MBD5: variants seen among roughly 807,000 people sequenced by gnomAD.
MBD5 encodes the protein methyl-CpG binding domain protein 5.
In MBD5, 13 loss-of-function variants were observed where a neutral mutation model predicts 117.3. The ratio of observed to expected loss-of-function variants is 0.11; its 90% CI spans 0.07 to 0.18. The LOEUF is 0.18. Among genes scored for constraint, MBD5 ranks in the 10% least tolerant of loss-of-function variants. The probability of loss-of-function intolerance (pLI) is 1.00; values close to 1 mark genes in which losing one functional copy is unlikely to be tolerated. For synonymous variants in MBD5, 727 were observed against 766.4 expected, an observed-to-expected ratio of 0.95 and a Z score of 0.85; for missense variants, 1,879 against 2,093.8, an observed-to-expected ratio of 0.90 and a Z score of 2.00.
chr2:148,140,848 C>T (rs1035854295), intron 1 of MBD5, among the ~76,000 whole-genome samples: 1 of 151,980 alleles, frequency 6.6e-6, no homozygotes, highest in African/African-American at 2.4e-5. Flanking sequence ...CCACTGCAAC[C>T]TCTGCCTCCT....
intron 1 of MBD5, among the ~76,000 whole-genome samples, chr2:148,039,375 C>T (rs1421964710): frequency 6.6e-6 from 1 of 151,834 alleles, no homozygotes; most frequent in Non-Finnish European, 1.5e-5. Flanking sequence ...CTTAAAAAAC[C>T]GAATATGCAA....
At chr2:148,326,545 G>T (rs1289592743) in intron 3 of MBD5, among the ~76,000 whole-genome samples, 1 of 152,158 alleles carries the variant, frequency 6.6e-6, no homozygotes, top group East Asian at 1.9e-4. Context: ...ATATATTTAG[G>T]ATAGTTAGCT....
intron 4 of MBD5, among the ~76,000 whole-genome samples, chr2:148,383,782 C>G (rs1422038040): frequency 2.0e-5 from 3 of 152,110 alleles, no homozygotes; most frequent in Admixed American, 1.3e-4. Flanking sequence ...GGGCTTCATC[C>G]CTGGGATGCA....
intron 4 of MBD5, among the ~76,000 whole-genome samples, chr2:148,428,597 C>T (rs1018621008): frequency 6.6e-6 from 1 of 152,144 alleles, no homozygotes; most frequent in Admixed American, 6.5e-5. Context: ...TCAAACTATA[C>T]TACAAGGCTA....
intron 4 of MBD5, among the ~76,000 whole-genome samples, chr2:148,379,948 CAGAA>C (rs1250068757): frequency 6.6e-6 from 1 of 151,950 alleles, no homozygotes; most frequent in Non-Finnish European, 1.5e-5. Flanking sequence ...GTGGCACAAA[CAGAA>C]AGCAAAAAGT....
chr2:148,308,652 A>G (rs1256704772), intron 3 of MBD5, among the ~76,000 whole-genome samples: 1 of 151,798 alleles, frequency 6.6e-6, no homozygotes, highest in African/African-American at 2.4e-5. Context: ...GAAACTCTTT[A>G]GTTTAATTAG....
chr2:148,392,011 A>T (rs1364715051), intron 4 of MBD5, among the ~76,000 whole-genome samples: 1 of 152,186 alleles, frequency 6.6e-6, no homozygotes, highest in Non-Finnish European at 1.5e-5. Flanking sequence ...AGTCTAGTAT[A>T]GCACATATGT....
intron 1 of MBD5, among the ~76,000 whole-genome samples, chr2:148,095,269 T>G (rs548318959): frequency 1.3e-5 from 2 of 152,314 alleles, no homozygotes; most frequent in Non-Finnish European, 2.9e-5. Context: ...ATAACATTTT[T>G]TAAAGTACTT....
At chr2:148,146,224 T>C (rs1384720445) in intron 1 of MBD5, among the ~76,000 whole-genome samples, 2 of 151,962 alleles carry the variant, frequency 1.3e-5, no homozygotes, top group African/African-American at 4.8e-5. Flanking sequence ...GAGTTTGTTT[T>C]TTCTTGCCAC....
intron 2 of MBD5, among the ~76,000 whole-genome samples, chr2:148,208,046 T>C (rs1287984408): frequency 2.6e-5 from 4 of 152,162 alleles, no homozygotes; most frequent in Non-Finnish European, 5.9e-5. Context: ...TCCAGTGTGT[T>C]GGCAGAGCCA....
At chr2:148,188,491 G>T (rs1698726072) in intron 2 of MBD5, among the ~76,000 whole-genome samples, 1 of 151,990 alleles carries the variant, frequency 6.6e-6, no homozygotes, top group East Asian at 1.9e-4. Context: ...TTTGAGACCA[G>T]CCTGGGCAAC....
intron 3 of MBD5, among the ~76,000 whole-genome samples, chr2:148,322,778 A>G (rs1702316891): frequency 6.6e-6 from 1 of 152,162 alleles, no homozygotes; most frequent in Non-Finnish European, 1.5e-5. Flanking sequence ...GTCAAAAGTT[A>G]TATATATAAC....
intron 1 of MBD5, among the ~76,000 whole-genome samples, chr2:148,042,983 A>G (rs1694406444): frequency 6.6e-6 from 1 of 152,154 alleles, no homozygotes; most frequent in Admixed American, 6.5e-5. Context: ...GATGTCTTGT[A>G]TAAAAAATTT....
Position 148,142,428 on chromosome 2 carries a change from AAG to A in MBD5, c.-924-36269_-924-36268del, listed in dbSNP as rs1233106231. ...ACTTCTCAAATAATTTAAATTATGGAAGAGTTTCTTCAAAATTGTAAGGGAAA... is the reference window on the plus strand; with the variant it reads ...ACTTCTCAAATAATTTAAATTATGGAAGTTTCTTCAAAATTGTAAGGGAAA... On this transcript the variant is annotated intron_variant, in intron 1 of 13. Coordinates refer to ENST00000642680, the MANE Select transcript of MBD5 (RefSeq NM_001378120.1). Among the ~76,000 whole-genome samples the A allele has an allele frequency of 2.0e-5, 3 of 152,180 alleles. No homozygotes were observed. In the East Asian group the frequency reaches 5.8e-4, roughly 29 times the overall value.
chr2:148,098,979 C>T (rs539883395), intron 1 of MBD5, among the ~76,000 whole-genome samples: 10 of 152,182 alleles, frequency 6.6e-5, no homozygotes, highest in Admixed American at 2.0e-4. Flanking sequence ...CGTTTGAGCC[C>T]GAGAGGTCGA....
chr2:148,473,158 A>T (rs1244304899), intron 8 of MBD5, among the ~76,000 whole-genome samples: 1 of 152,192 alleles, frequency 6.6e-6, no homozygotes, highest in African/African-American at 2.4e-5. Flanking sequence ...TATACTTCAG[A>T]TGAAAGTCAG....
chr2:148,415,373 C>T (rs1705385980), intron 4 of MBD5, among the ~76,000 whole-genome samples: 1 of 152,078 alleles, frequency 6.6e-6, no homozygotes, highest in Admixed American at 6.6e-5. Flanking sequence ...AGGTGACCTG[C>T]CTCTTCTCTC....
intron 4 of MBD5, among the ~76,000 whole-genome samples, chr2:148,392,884 C>T (rs1246715774): frequency 6.6e-6 from 1 of 152,022 alleles, no homozygotes; most frequent in Non-Finnish European, 1.5e-5. Context: ...ATATTTAGTT[C>T]ATTGTTAACA....
intron 4 of MBD5, among the ~76,000 whole-genome samples, chr2:148,433,781 T>A (rs1706067335): frequency 6.6e-6 from 1 of 152,178 alleles, no homozygotes; most frequent in African/African-American, 2.4e-5. Flanking sequence ...TTTGCATTGA[T>A]GTTCATCAAG....
Sources: gnomAD v4.1 joint callset for allele counts (sites outside exome capture counted in the v4.1 genomes callset) on GRCh38, gnomAD v4.1.1 for gene constraint, MANE v1.5 for transcripts, NCBI Gene and HGNC (gene_info 2026-07-23, HGNC 2026-07-21) for gene names.